The following PDGFB variants were observed in gnomAD, a reference collection of about 807,000 sequenced individuals.
PDGFB encodes platelet-derived growth factor subunit B.
A neutral mutation model predicts 29.0 loss-of-function variants in PDGFB; 6 were observed. The observed-to-expected ratio is 0.21, with a 90% CI of 0.11 to 0.41. The LOEUF (loss-of-function observed/expected upper bound fraction) is 0.41, where lower values mean the gene tolerates loss of function less well. PDGFB is among the 10% of genes least tolerant of loss of function. The pLI, the probability that PDGFB is intolerant of heterozygous loss-of-function variation, is 1.00. For synonymous variants in PDGFB, 144 were observed against 140.8 expected (o/e 1.02, Z -0.16); for missense variants, 299 against 341.8 (o/e 0.87, Z 0.99).
Position 39,231,906 on chromosome 22 carries a change from C to T in PDGFB, c.251-79G>A. 1 of 1,215,216 alleles carries T rather than the reference C, an allele frequency of 8.2e-7. No homozygotes were observed. Among genetic ancestry groups the T allele is most frequent in the Non-Finnish European group, 1.2e-6 (1 of 863,566 alleles). The allele number at this position is 1,215,216 out of a possible 1,614,324, so 75.3% of individuals were successfully genotyped here. A position where few individuals can be genotyped will look rare whatever the true frequency, so the allele number is the denominator to read the frequency against. On this transcript the variant is annotated intron_variant, in intron 3 of 6. Coordinates refer to ENST00000331163, the MANE Select transcript of PDGFB (RefSeq NM_002608.4). The surrounding 1 kb of genome is among the most constrained non-coding windows in gnomAD (Gnocchi z 4.3). ...ACTTGGCAGGGGAGCTCAGCGGGTGCCTCCGGGACTGCTCTTTCTCACGCC... is the reference window on the plus strand; with the variant it reads ...ACTTGGCAGGGGAGCTCAGCGGGTGTCTCCGGGACTGCTCTTTCTCACGCC...
intron 1 of PDGFB, chr22:39,240,969 T>C: frequency 7.5e-7 from 1 of 1,339,882 alleles, no homozygotes; most frequent in South Asian, 1.2e-5. Context: ...TTCCTGGCTC[T>C]TGCACCAGAT....
chr22:39,228,658 G>A (rs1045547332), intron 5 of PDGFB, among the ~76,000 whole-genome samples: 1 of 152,152 alleles, frequency 6.6e-6, no homozygotes. Context: ...GGAGGCCGAG[G>A]CAGGTGGATC....
chr22:39,233,848 C>T (rs889570107), intron 2 of PDGFB, among the ~76,000 whole-genome samples: 1 of 152,158 alleles, frequency 6.6e-6, no homozygotes, highest in South Asian at 2.1e-4. Flanking sequence ...AGGGCGGGGC[C>T]GGGACCTAGG....
intron 5 of PDGFB, among the ~76,000 whole-genome samples, chr22:39,228,802 T>C (rs1160349564): frequency 6.6e-6 from 1 of 151,470 alleles, no homozygotes; most frequent in Non-Finnish European, 1.5e-5. Context: ...GGCGGGAGAA[T>C]TGCTTGAACC....
intron 1 of PDGFB, chr22:39,240,719 G>A: frequency 1.0e-6 from 1 of 1,002,228 alleles, no homozygotes; most frequent in Non-Finnish European, 1.6e-6. Flanking sequence ...CAGGAGGAAA[G>A]CTCTCTAATG....
chr22:39,231,642 C>T lies in PDGFB; in HGVS notation c.436G>A (p.Val146Met). The part of the protein sequence containing the change: ...NRNVQCRPTQ[V>M]QLRPVQVRKI... ...CGCACCTGGACAGGTCGCAGCTGCA[C>T]CTGGGTGGGGCGGCACTGCACGTTG... The change falls in exon 4 of 7, where the codon GTG (valine) becomes ATG (methionine). Residue 146 changes from valine to methionine, a missense_variant. Coordinates refer to ENST00000331163, the MANE Select transcript of PDGFB (RefSeq NM_002608.4). This position sits in a 1 kb window ranked among gnomAD's most constrained non-coding sequence, Gnocchi z 4.3. 1 of 1,575,620 alleles carries T rather than the reference C, an allele frequency of 6.3e-7. No homozygotes were observed. The highest frequency in any genetic ancestry group is 8.6e-7 in the Non-Finnish European group (1 of 1,161,824).
At chr22:39,236,302 G>A (rs538852919) in intron 1 of PDGFB, among the ~76,000 whole-genome samples, 1 of 152,186 alleles carries the variant, frequency 6.6e-6, no homozygotes, top group Non-Finnish European at 1.5e-5. Context: ...TCAAAGAGAG[G>A]CTCAATTATT....
At chr22:39,240,697 A>G (rs953958501) in intron 1 of PDGFB, among the ~76,000 whole-genome samples, 2 of 151,938 alleles carry the variant, frequency 1.3e-5, no homozygotes, top group Non-Finnish European at 2.9e-5. Flanking sequence ...GCACTGTTCT[A>G]AAAGTGGGGA....
At chr22:39,227,712 C>G (rs1932201029) in intron 5 of PDGFB, among the ~76,000 whole-genome samples, 1 of 152,196 alleles carries the variant, frequency 6.6e-6, no homozygotes. Context: ...TTCTCTCCGT[C>G]CTGGATTCCC....
At chr22:39,236,673 G>A (rs1932450534) in intron 1 of PDGFB, among the ~76,000 whole-genome samples, 1 of 152,156 alleles carries the variant, frequency 6.6e-6, no homozygotes, top group African/African-American at 2.4e-5. Flanking sequence ...AGCCCCGTAG[G>A]AAGGTCACAG....
chr22:39,226,530 C>T (rs1294253578), intron 5 of PDGFB, among the ~76,000 whole-genome samples: 1 of 152,216 alleles, frequency 6.6e-6, no homozygotes, highest in Non-Finnish European at 1.5e-5. Flanking sequence ...CAGCTGACTG[C>T]AACCAATAGA....
intron 5 of PDGFB, among the ~76,000 whole-genome samples, chr22:39,229,289 C>G (rs532547658): frequency 5.9e-5 from 9 of 152,126 alleles, no homozygotes; most frequent in Non-Finnish European, 1.0e-4. Context: ...CAGCCTCAAG[C>G]GATCCTCCCA....
intron 2 of PDGFB, 93 bp downstream of exon 2, chr22:39,235,685 C>A: frequency 1.1e-6 from 1 of 875,172 alleles, no homozygotes; most frequent in African/African-American, 1.7e-5. Flanking sequence ...GTTCTCCAGA[C>A]GTCAAGAAGG....
chr22:39,238,795 C>T (rs776467425), intron 1 of PDGFB, among the ~76,000 whole-genome samples: 6 of 152,260 alleles, frequency 3.9e-5, no homozygotes, highest in Non-Finnish European at 8.8e-5. Context: ...AGGCTCTCAA[C>T]CAGGGCCCAG....
chr22:39,239,416 G>T (rs901846473), intron 1 of PDGFB, among the ~76,000 whole-genome samples: 4 of 152,036 alleles, frequency 2.6e-5, no homozygotes, highest in African/African-American at 7.3e-5. Flanking sequence ...GGGTGAGGGT[G>T]GGGGGACACT....
At position 39,243,252 on chromosome 22, in the gene PDGFB, GTCTCTCTCTCTCTCTCTCTCTT is replaced by G. The variant is rs1477478788; in HGVS notation, c.63+627_63+648del. On this transcript the variant is annotated intron_variant, in intron 1 of 6. Coordinates refer to ENST00000331163, the MANE Select transcript of PDGFB (RefSeq NM_002608.4). The surrounding 1 kb of genome is among the most constrained non-coding windows in gnomAD (Gnocchi z 6.4). Reference sequence around the variant, plus strand: ...CCTCTCTCTCTCCGTCTCTCTCTCCGTCTCTCTCTCTCTCTCTCTCTTTCTCTCTCTCTCTCTCTCTCTCCCT... The same window carrying G: ...CCTCTCTCTCTCCGTCTCTCTCTCCGTCTCTCTCTCTCTCTCTCTCTCCCT... 2.1e-5 allele frequency among the ~76,000 whole-genome samples: 3 copies of G among 143,794 alleles called. No homozygotes were observed. Among genetic ancestry groups the G allele is most frequent in the East Asian group, 2.1e-4 (1 of 4,798 alleles). 94.3% of individuals were successfully genotyped at this position (143,794 alleles called of 152,430 possible). A position where few individuals can be genotyped will look rare whatever the true frequency, so the allele number is the denominator to read the frequency against.
chr22:39,244,092 C>G lies in PDGFB; in HGVS notation c.-129G>C. 2.3e-6 allele frequency: 1 copy of G among 433,354 alleles called. No individual in the cohort carries two copies. Among genetic ancestry groups the G allele is most frequent in the Non-Finnish European group, 3.8e-6 (1 of 265,102 alleles). The allele number at this position is 433,354 out of a possible 1,614,324, so 26.8% of individuals were successfully genotyped here. ...GTCCGCGGCGATCAGGCGCTCAGGC[C>G]TCTGCAGCCGCGGCTCACCCGCATG... On this transcript the variant is annotated 5_prime_UTR_variant, in exon 1 of 7. Transcript: ENST00000331163. This position sits in a 1 kb window ranked among gnomAD's most constrained non-coding sequence, Gnocchi z 4.5.
intron 5 of PDGFB, among the ~76,000 whole-genome samples, chr22:39,229,540 T>C (rs944967683): frequency 1.3e-5 from 2 of 152,230 alleles, no homozygotes; most frequent in Non-Finnish European, 2.9e-5. Context: ...CAGGACAAGC[T>C]GCTCACTATC....
chr22:39,242,532 C>A lies in PDGFB; in HGVS notation c.63+1369G>T, dbSNP rs1243571566. On this transcript the variant is annotated intron_variant, in intron 1 of 6. Coordinates refer to ENST00000331163, the MANE Select transcript of PDGFB (RefSeq NM_002608.4). The surrounding 1 kb of genome is among the most constrained non-coding windows in gnomAD (Gnocchi z 5.7). ...GCCTGAAGGCGGCCCGGCCGAGCCC[C>A]GCGTCCTCCCTCCCGGGTGCGGGCC... 6.6e-6 allele frequency among the ~76,000 whole-genome samples: 1 copy of A among 150,434 alleles called. No homozygotes were observed.
Sources: gnomAD v4.1 joint callset for allele counts (sites outside exome capture counted in the v4.1 genomes callset) on GRCh38, gnomAD v4.1.1 for gene constraint, Gnocchi (gnomAD v3.1) non-coding constraint, MANE v1.5 for transcripts, NCBI Gene and HGNC (gene_info 2026-07-23, HGNC 2026-07-21) for gene names.